Variants in MLLT10 observed in about 807,000 individuals in gnomAD.
The protein encoded by MLLT10 is protein AF-10.
A neutral mutation model predicts 129.1 loss-of-function variants in MLLT10; 30 were observed. The ratio of observed to expected loss-of-function variants is 0.23; its 90% confidence interval spans 0.17 to 0.32. MLLT10 has a LOEUF of 0.32. Among genes scored for constraint, MLLT10 ranks in the 10% least tolerant of loss-of-function variants. The pLI is 1.00. For missense variants in MLLT10, 1,119 were observed against 1,268.3 expected (o/e 0.88, Z 1.79); for synonymous variants, 490 against 446.4 (o/e 1.10, Z -1.23).
intron 15 of MLLT10, 45 bp from the exon 16 acceptor site, chr10:21,727,811 T>C (rs746716782): frequency 1.4e-6 from 2 of 1,480,842 alleles, no homozygotes; most frequent in Admixed American, 1.7e-5. Flanking sequence ...AAACCTCTTA[T>C]CTAGTGAGAG....
chr10:21,735,476 TGTG>T (rs2058287175), intron 21 of MLLT10, among the ~76,000 whole-genome samples: 1 of 152,194 alleles, frequency 6.6e-6, no homozygotes, highest in Admixed American at 6.5e-5. Context: ...AGTGCTGAGA[TGTG>T]GTGCGTGTTT....
chr10:21,689,563 ATG>A (rs1554849915), intron 13 of MLLT10, among the ~76,000 whole-genome samples: 162 of 89,358 alleles, frequency 1.8e-3, no homozygotes, highest in African/African-American at 2.9e-3. Flanking sequence ...ATATATATAT[ATG>A]TATATATATA....
chr10:21,571,017 T>G (rs2040141351), intron 3 of MLLT10, among the ~76,000 whole-genome samples: 1 of 152,248 alleles, frequency 6.6e-6, no homozygotes, highest in African/African-American at 2.4e-5. Context: ...TTCTGTTGGG[T>G]CTTTCATGTT....
chr10:21,717,500 C>T (rs1457067231), intron 14 of MLLT10, among the ~76,000 whole-genome samples: 4 of 76,850 alleles, frequency 5.2e-5, no homozygotes, highest in African/African-American at 9.8e-5. Context: ...CCTCCTCCTC[C>T]TCCTCCTCCT....
intron 3 of MLLT10, among the ~76,000 whole-genome samples, chr10:21,549,122 CTTTTTTTTTTT>C (rs5783779): frequency 7.7e-5 from 10 of 130,392 alleles, no homozygotes; most frequent in Middle Eastern, 3.9e-3. Context: ...GAGCTTATTC[CTTTTTTTTTTT>C]TTTTTTTTAG....
At chr10:21,718,930 G>A (rs1358203716) in intron 14 of MLLT10, among the ~76,000 whole-genome samples, 1 of 152,122 alleles carries the variant, frequency 6.6e-6, no homozygotes, top group Non-Finnish European at 1.5e-5. Context: ...CACCATGTTG[G>A]CCAGGCTGGT....
At chr10:21,714,031 T>G in intron 14 of MLLT10, 81 bp downstream of exon 14, 1 of 1,200,016 alleles carries the variant, frequency 8.3e-7, no homozygotes, top group Non-Finnish European at 1.2e-6. Flanking sequence ...GAGAAACAAA[T>G]GACATAGGGC....
Position 21,713,639 on chromosome 10 carries a change from A to T in MLLT10, c.1700-133A>T, listed in dbSNP as rs1424060670. ...TTATTTGTTTAGTTACTAGCACAATATTTTTTAAACAGCAACAATAAGATT... is the reference window on the plus strand; with the variant it reads ...TTATTTGTTTAGTTACTAGCACAATTTTTTTTAAACAGCAACAATAAGATT... On this transcript the variant is annotated intron_variant, in intron 13 of 22. Coordinates refer to ENST00000307729, the MANE Select transcript of MLLT10 (RefSeq NM_001195626.3). The T allele has an allele frequency of 5.4e-6, 4 of 743,564 alleles. No individual in the cohort carries two copies. The Admixed American group carries it at 1.3e-4, about 24-fold the overall frequency. 46.1% of individuals were successfully genotyped at this position (743,564 alleles called of 1,614,324 possible).
chr10:21,689,663 T>TATA (rs1351475704), intron 13 of MLLT10, among the ~76,000 whole-genome samples: 109 of 139,692 alleles, frequency 7.8e-4, no homozygotes, highest in African/African-American at 2.6e-3. Context: ...ATATATATAT[T>TATA]TTTTTTTTCT....
At chr10:21,534,564 G>T in intron 1 of MLLT10, 44 bp downstream of exon 1, 1 of 1,417,440 alleles carries the variant, frequency 7.1e-7, no homozygotes, top group Non-Finnish European at 9.4e-7. Context: ...GGGCGCCGGG[G>T]CGGGCTCGGG....
intron 3 of MLLT10, among the ~76,000 whole-genome samples, chr10:21,540,517 T>C (rs560559226): frequency 6.6e-6 from 1 of 152,192 alleles, no homozygotes; most frequent in East Asian, 1.9e-4. Context: ...GACTCCAGCC[T>C]GGGTGACAGA....
rs188855879 is a variant in MLLT10 at position 21,695,497 on chromosome 10, T to C, written c.1699+13240T>C. Among the ~76,000 whole-genome samples the C allele has an allele frequency of 1.9e-3, 289 of 152,330 alleles. 2 individuals are homozygous for C. Among genetic ancestry groups the C allele is most frequent in the Non-Finnish European group, 3.2e-3 (218 of 68,030 alleles). The stretch of plus-strand genomic sequence containing the variant: ...CCTACCACTACAAGATACTCTGTGT[T>C]CTTCTTTTTTATATAGAGTGTTCTT... On this transcript the variant is annotated intron_variant, in intron 13 of 22. Transcript: ENST00000307729.
chr10:21,624,177 A>G (rs1007308835), intron 8 of MLLT10, among the ~76,000 whole-genome samples: 7 of 152,224 alleles, frequency 4.6e-5, no homozygotes, highest in African/African-American at 1.7e-4. Context: ...TTAATTTCTT[A>G]AAACTACTAA....
intron 8 of MLLT10, among the ~76,000 whole-genome samples, chr10:21,645,638 A>G (rs1028383342): frequency 6.6e-6 from 1 of 152,170 alleles, no homozygotes; most frequent in African/African-American, 2.4e-5. Context: ...CTTTTTAATA[A>G]TTTACTCTAG....
At position 21,740,065 on chromosome 10, in the gene MLLT10, A is replaced by G. The variant is rs1038207417; in HGVS notation, c.2991A>G (p.Gln997=). 2.5e-6 allele frequency: 4 copies of G among 1,613,112 alleles called. No homozygotes were observed. The highest frequency in any genetic ancestry group is 2.2e-5 in the East Asian group (1 of 44,862). Residue 997 remains glutamine (Q), a synonymous_variant, in exon 22 of 23, where the codon CAA becomes CAG. Coordinates refer to ENST00000307729, the MANE Select transcript of MLLT10 (RefSeq NM_001195626.3). Reference sequence around the variant, plus strand: ...AAGCCTTTTTGTATCAGTTAATGCAACATCACCACCAGCAGCACCACCAAC... The same window carrying G: ...AAGCCTTTTTGTATCAGTTAATGCAGCATCACCACCAGCAGCACCACCAAC... ...QHQAFLYQLM[Q]HHHQQHHQPE... is the part of the protein sequence containing the mutation.
chr10:21,660,743 G>A (rs903773201), intron 9 of MLLT10, among the ~76,000 whole-genome samples: 5 of 150,672 alleles, frequency 3.3e-5, no homozygotes, highest in African/African-American at 9.8e-5. Flanking sequence ...GTATGGTGCC[G>A]GACGCCTGTA....
intron 5 of MLLT10, 24 bp downstream of exon 5, chr10:21,595,464 C>T (rs1405420037): frequency 1.3e-6 from 2 of 1,541,760 alleles, no homozygotes; most frequent in Middle Eastern, 1.7e-4. Context: ...TATTTTATTA[C>T]TGTTTGAATA....
chr10:21,672,725 T>C (rs2051597223), intron 10 of MLLT10, among the ~76,000 whole-genome samples: 1 of 152,198 alleles, frequency 6.6e-6, no homozygotes, highest in Non-Finnish European at 1.5e-5. Context: ...GAATGTGAGA[T>C]ATAGATTAGA....
intron 22 of MLLT10, among the ~76,000 whole-genome samples, chr10:21,740,845 A>G (rs1472564937): frequency 6.6e-6 from 1 of 152,234 alleles, no homozygotes; most frequent in Non-Finnish European, 1.5e-5. Context: ...GTTTCGATTA[A>G]TTCTCCCCTT....
Sources: allele counts gnomAD v4.1 joint callset (sites outside exome capture counted in the v4.1 genomes callset), GRCh38; gene constraint gnomAD v4.1.1; transcripts MANE v1.5; gene names NCBI Gene and HGNC (gene_info 2026-07-23, HGNC 2026-07-21).